Variants in VPS13D observed in about 807,000 individuals in gnomAD.
The protein encoded by VPS13D is intermembrane lipid transfer protein VPS13D.
A neutral mutation model predicts 461.9 loss-of-function variants in VPS13D; 187 were observed. The observed-to-expected ratio is 0.40, with a 90% CI of 0.36 to 0.46. VPS13D has a LOEUF of 0.46. VPS13D is among the 20% of genes least tolerant of loss of function. The pLI, the probability that VPS13D is intolerant of heterozygous loss-of-function variation, is 0.60. For missense variants in VPS13D, 4,711 were observed against 5,364.9 expected, an observed-to-expected ratio of 0.88 and a Z score of 3.81; for synonymous variants, 1,951 against 1,986.3, an observed-to-expected ratio of 0.98 and a Z score of 0.47.
chr1:12,389,389 A>G (rs867708502), intron 60 of VPS13D, among the ~76,000 whole-genome samples: 1 of 152,200 alleles, frequency 6.6e-6, no homozygotes, highest in South Asian at 2.1e-4. Context: ...CGAGATTATA[A>G]GGTCATAATT....
At chr1:12,312,778 G>A (rs1268028743) in intron 29 of VPS13D, among the ~76,000 whole-genome samples, 2 of 152,076 alleles carry the variant, frequency 1.3e-5, no homozygotes, top group Non-Finnish European at 2.9e-5. Context: ...AAAAGTTGCA[G>A]GATTTTATAT....
At chr1:12,317,580 A>G (rs1642923327) in intron 30 of VPS13D, among the ~76,000 whole-genome samples, 1 of 151,738 alleles carries the variant, frequency 6.6e-6, no homozygotes, top group Non-Finnish European at 1.5e-5. Context: ...TGAAATGTGA[A>G]TAAAAAATGT....
chr1:12,456,561 C>G (rs1418457675), intron 66 of VPS13D, among the ~76,000 whole-genome samples: 2 of 150,370 alleles, frequency 1.3e-5, no homozygotes, highest in Non-Finnish European at 2.9e-5. Context: ...TTGCTCGAAC[C>G]CTGGAGGCAG....
Position 12,502,277 on chromosome 1 carries a change from C to A in VPS13D, c.12795-4576C>A, listed in dbSNP as rs930682836. On this transcript the variant is annotated intron_variant, in intron 68 of 69. Coordinates refer to ENST00000620676, the MANE Select transcript of VPS13D (RefSeq NM_015378.4). The surrounding 1 kb of genome is among the most constrained non-coding windows in gnomAD (Gnocchi z 4.3). ...GGCCGTAACGATGACTAGAAGAGGA[C>A]AGATTGGAGAGGCATTTAGGAGGCA... Among the ~76,000 whole-genome samples the A allele has an allele frequency of 2.6e-5, 4 of 152,126 alleles. No individual in the cohort carries two copies. Among genetic ancestry groups the A allele is most frequent in the African/African-American group, 9.7e-5 (4 of 41,426 alleles).
At chr1:12,491,567 GACATGAGTTGTTACT>G (rs1245969199) in intron 67 of VPS13D, among the ~76,000 whole-genome samples, 3 of 152,072 alleles carry the variant, frequency 2.0e-5, no homozygotes, top group Non-Finnish European at 4.4e-5. Flanking sequence ...TTTTTTAAAA[GACATGAGTTGTTACT>G]ACTCTGATCA....
chr1:12,339,720 T>C (rs781062006), intron 40 of VPS13D, among the ~76,000 whole-genome samples: 1 of 152,228 alleles, frequency 6.6e-6, no homozygotes, highest in Admixed American at 6.5e-5. Flanking sequence ...GCGTGCATGC[T>C]GTGTATTTTT....
chr1:12,508,624 C>T (rs887894533), intron 69 of VPS13D, among the ~76,000 whole-genome samples: 1 of 150,834 alleles, frequency 6.6e-6, no homozygotes, highest in African/African-American at 2.4e-5. Flanking sequence ...GCAGGAGAAT[C>T]GCTTGAACCC....
At position 12,432,609 on chromosome 1, in the gene VPS13D, C is replaced by CT. The variant is rs758179241; in HGVS notation, c.12333+15798dup. Reference sequence around the variant, plus strand: ...CCCTTTCCTTTTCTGAATCCTTTCCCTTTTTTTTTTTTTTTTAAGACAGTC... The same window carrying CT: ...CCCTTTCCTTTTCTGAATCCTTTCCCTTTTTTTTTTTTTTTTTAAGACAGTC... On this transcript the variant is annotated intron_variant, in intron 65 of 69. Coordinates refer to ENST00000620676, the MANE Select transcript of VPS13D (RefSeq NM_015378.4). Among the ~76,000 whole-genome samples the CT allele has an allele frequency of 8.6e-3, 1,200 of 139,810 alleles. 2 individuals carry two copies. The highest frequency in any genetic ancestry group is 0.011 in the Middle Eastern group (3 of 270). 91.7% of individuals were successfully genotyped at this position (139,810 alleles called of 152,430 possible). A position where few individuals can be genotyped will look rare whatever the true frequency, so the allele number is the denominator to read the frequency against.
Position 12,345,413 on chromosome 1 carries a change from A to G in VPS13D, c.8925A>G (p.Arg2975=). ...TCCGGATTCATCAACTGCAAGTGAG[A>G]GTAAATGGCTGGGAGCAAGTGAGCC... ...HDLRIHQLQV[R]VNGWEQVSPV... The change falls in exon 43 of 70, where the codon AGA becomes AGG. Residue 2975 remains arginine, a synonymous_variant. Coordinates refer to ENST00000620676, the MANE Select transcript of VPS13D (RefSeq NM_015378.4). 1 of 1,613,818 alleles carries G rather than the reference A, an allele frequency of 6.2e-7. No homozygotes were observed.
At position 12,403,851 on chromosome 1, in the gene VPS13D, C is replaced by T. The variant is rs371604279; in HGVS notation, c.11908C>T (p.His3970Tyr). The T allele has an allele frequency of 6.2e-7, 1 of 1,601,280 alleles. No homozygotes were observed. The highest frequency in any genetic ancestry group is 1.3e-5 in the African/African-American group (1 of 74,116). The part of the protein sequence containing the change: ...SEVEKYDENL[H>Y]EKTAEQGGTP... ...GGTGGAAAAATATGATGAAAACCTC[C>T]ATGAAAAGACAGCTGAGCAAGGTGG... Residue 3970 changes from histidine (H) to tyrosine (Y), a missense_variant, in exon 63 of 70, where the codon CAT becomes TAT. His to Tyr is a moderately conservative substitution (Grantham distance 83). Around this residue, in one of 3 missense-constraint regions of VPS13D, gnomAD observed 4,411 missense variants for 4,937.8 expected, o/e 0.89. Coordinates refer to ENST00000620676, the MANE Select transcript of VPS13D (RefSeq NM_015378.4).
intron 68 of VPS13D, chr1:12,499,885 C>T (rs548131393): frequency 1.9e-5 from 19 of 985,400 alleles, no homozygotes; most frequent in East Asian, 2.3e-4. Context: ...GAAAAGCCCA[C>T]GAGCGCCAAA....
intron 65 of VPS13D, among the ~76,000 whole-genome samples, chr1:12,426,865 T>A (rs1644929917): frequency 6.6e-6 from 1 of 151,802 alleles, no homozygotes; most frequent in South Asian, 2.1e-4. Flanking sequence ...AATAAAAAAA[T>A]TAGCTGGGTG....
chr1:12,272,712 C>T (rs1048084240), intron 17 of VPS13D, among the ~76,000 whole-genome samples: 2 of 152,108 alleles, frequency 1.3e-5, no homozygotes, highest in African/African-American at 4.8e-5. Flanking sequence ...TTTCTATAAT[C>T]CTTTAAAGTA....
intron 65 of VPS13D, among the ~76,000 whole-genome samples, chr1:12,417,231 G>A (rs1021984851): frequency 1.3e-5 from 2 of 152,310 alleles, no homozygotes; most frequent in South Asian, 4.1e-4. Context: ...CCAAGCTGAA[G>A]TACAGCCTTC....
intron 67 of VPS13D, among the ~76,000 whole-genome samples, chr1:12,467,463 C>A (rs1231903288): frequency 6.6e-6 from 1 of 152,260 alleles, no homozygotes; most frequent in Non-Finnish European, 1.5e-5. Context: ...AGCCACCACA[C>A]CCAGTCAGGA....
chr1:12,319,695 A>G, intron 32 of VPS13D, 65 bp downstream of exon 32: 1 of 1,606,928 alleles, frequency 6.2e-7, no homozygotes, highest in East Asian at 2.2e-5. Context: ...TCTGGAAGAG[A>G]ATTTTCCCTC....
intron 68 of VPS13D, among the ~76,000 whole-genome samples, chr1:12,499,231 C>G (rs879813920): frequency 6.6e-6 from 1 of 152,022 alleles, no homozygotes; most frequent in Admixed American, 6.6e-5. Flanking sequence ...TTTGCCTGTT[C>G]CATTCAGGAA....
chr1:12,367,818 AG>A (rs1644059408), intron 52 of VPS13D: 1 of 152,222 alleles, frequency 6.6e-6, no homozygotes, highest in Non-Finnish European at 1.5e-5. Context: ...TGTGTTAGCC[AG>A]GATGGTCTCG....
At position 12,412,680 on chromosome 1, in the gene VPS13D, A is replaced by G; in HGVS notation, c.12031-2407A>G. Among the ~76,000 whole-genome samples the G allele has an allele frequency of 1.3e-5, 2 of 152,250 alleles. 1 individual carries two copies. The highest frequency in any genetic ancestry group is 2.9e-5 in the Non-Finnish European group (2 of 68,040). On this transcript the variant is annotated intron_variant, in intron 63 of 69. Coordinates refer to ENST00000620676, the MANE Select transcript of VPS13D (RefSeq NM_015378.4). ...GCATAAATAAAATCTAGGTGTGAAGAGTAAAACAATAAAACTTGTATAAGT... is the reference window on the plus strand; with the variant it reads ...GCATAAATAAAATCTAGGTGTGAAGGGTAAAACAATAAAACTTGTATAAGT...
Sources: gnomAD v4.1 joint callset for allele counts (sites outside exome capture counted in the v4.1 genomes callset) on GRCh38, gnomAD v4.1.1 for gene constraint, gnomAD v4.1.1 regional missense constraint, Gnocchi (gnomAD v3.1) non-coding constraint, MANE v1.5 for transcripts, NCBI Gene and HGNC (gene_info 2026-07-23, HGNC 2026-07-21) for gene names.